The following TAFA4 variants were observed in gnomAD, a reference collection of about 807,000 sequenced individuals.
The protein encoded by TAFA4 is TAFA chemokine like family member 4, also known as chemokine-like protein TAFA-4.
A neutral mutation model predicts 21.1 loss-of-function variants in TAFA4; 20 were observed. That is an observed-to-expected ratio of 0.95 (90% CI 0.67 to 1.38). The LOEUF (loss-of-function observed/expected upper bound fraction) is 1.38. TAFA4 is among the 40% of genes most tolerant of loss of function. The pLI is 0.00. For missense variants in TAFA4, 211 were observed against 180.9 expected (o/e 1.17, Z -0.95); for synonymous variants, 71 against 67.4 (o/e 1.05, Z -0.26).
rs1275626081 is a variant in TAFA4, at chr3:68,885,030, G to GA, written c.14+144dup. 22 of 720,170 alleles carry GA rather than the reference G, an allele frequency of 3.1e-5. No homozygotes were observed. In the East Asian group the frequency reaches 4.1e-4, roughly 13 times the overall value. The allele number at this position is 720,170 out of a possible 1,614,324, so 44.6% of individuals were successfully genotyped here. A position where few individuals can be genotyped will look rare whatever the true frequency, so the allele number is the denominator to read the frequency against. ...TCATTTCACAGATGAAAGCTAAAAT[G>GA]AAAAAATCAACATTTCCCCAAATTC... is the stretch of plus-strand genomic sequence containing the variant. On this transcript the variant is annotated intron_variant, in intron 2 of 5. Coordinates refer to ENST00000295569, the MANE Select transcript of TAFA4 (RefSeq NM_182522.5).
chr3:68,824,409 T>G (rs1278072488), intron 3 of TAFA4, among the ~76,000 whole-genome samples: 3 of 152,090 alleles, frequency 2.0e-5, no homozygotes, highest in Non-Finnish European at 2.9e-5. Context: ...CCCTGTTCCA[T>G]CGTAAAAGTA....
chr3:68,803,335 A>C (rs1046894115), intron 3 of TAFA4, among the ~76,000 whole-genome samples: 3 of 152,188 alleles, frequency 2.0e-5, no homozygotes, highest in Admixed American at 1.3e-4. Context: ...TTGCTCCTTC[A>C]AATGGGAAGA....
At chr3:68,884,590 AC>A (rs2089652465) in intron 2 of TAFA4, among the ~76,000 whole-genome samples, 1 of 152,334 alleles carries the variant, frequency 6.6e-6, no homozygotes, top group East Asian at 1.9e-4. Context: ...TTCCCACTGG[AC>A]AAAAATGGAA....
rs761920358 is a variant in TAFA4, at chr3:68,885,151, A to C, written c.14+24T>G. ...AATACTTTGTAAAGATATCATGTCC[A>C]GGTGAACGTTAAAATAATCTTACCT... is the stretch of plus-strand genomic sequence containing the variant. On this transcript the variant is annotated intron_variant, in intron 2 of 5. Coordinates refer to ENST00000295569, the MANE Select transcript of TAFA4 (RefSeq NM_182522.5). 7 of 1,610,798 alleles carry C rather than the reference A, an allele frequency of 4.3e-6. No homozygotes were observed. In the African/African-American group the frequency reaches 9.4e-5, roughly 22 times the overall value.
chr3:68,842,895 T>C (rs1431473225), intron 3 of TAFA4, among the ~76,000 whole-genome samples: 1 of 152,206 alleles, frequency 6.6e-6, no homozygotes, highest in Non-Finnish European at 1.5e-5. Context: ...TTGGTCTATG[T>C]ATCTGCTTTG....
intron 4 of TAFA4, among the ~76,000 whole-genome samples, chr3:68,740,680 GCTTTTGTTGCCTGTA>G (rs2106731086): frequency 6.6e-6 from 1 of 151,936 alleles, no homozygotes; most frequent in South Asian, 2.1e-4. Flanking sequence ...GTTTATTTTT[GCTTTTGTTGCCTGTA>G]CTTTTGGTGT....
intron 1 of TAFA4, among the ~76,000 whole-genome samples, chr3:68,892,181 C>G (rs1288357514): frequency 6.6e-6 from 1 of 152,126 alleles, no homozygotes; most frequent in Non-Finnish European, 1.5e-5. Flanking sequence ...CATGTTAAAG[C>G]AGACATGTTT....
At chr3:68,909,690 C>G (rs1044904449) in intron 1 of TAFA4, among the ~76,000 whole-genome samples, 1 of 152,232 alleles carries the variant, frequency 6.6e-6, no homozygotes, top group African/African-American at 2.4e-5. Flanking sequence ...CCTCTACTAT[C>G]AGATGGGACT....
intron 3 of TAFA4, among the ~76,000 whole-genome samples, chr3:68,821,303 A>G (rs1704109828): frequency 6.7e-6 from 1 of 149,178 alleles, no homozygotes; most frequent in Admixed American, 6.8e-5. Context: ...GTAGATTTAT[A>G]CACTATGTAG....
intron 3 of TAFA4, among the ~76,000 whole-genome samples, chr3:68,859,775 T>C (rs910632232): frequency 7.9e-5 from 12 of 152,130 alleles, no homozygotes; most frequent in African/African-American, 1.2e-4. Flanking sequence ...AGAATGCTAA[T>C]AAAAGGAGGA....
intron 1 of TAFA4, among the ~76,000 whole-genome samples, chr3:68,925,953 C>T (rs551868204): frequency 1.7e-4 from 26 of 152,282 alleles, no homozygotes; most frequent in African/African-American, 6.0e-4. Context: ...AGGTCTAAGC[C>T]GGGCACAGTG....
intron 3 of TAFA4, among the ~76,000 whole-genome samples, chr3:68,803,689 G>GA (rs537676848): frequency 0.051 from 7,019 of 136,496 alleles, 383 homozygotes; most frequent in African/African-American, 0.14. Context: ...CAGTAAGTGG[G>GA]AAAAAAAAAA....
chr3:68,908,613 T>C (rs1315496088), intron 1 of TAFA4, among the ~76,000 whole-genome samples: 3 of 152,060 alleles, frequency 2.0e-5, no homozygotes, highest in Admixed American at 1.3e-4. Context: ...AGCATGAGTT[T>C]AAAACTATAA....
At chr3:68,860,901 T>A (rs1227098548) in intron 3 of TAFA4, among the ~76,000 whole-genome samples, 1 of 152,036 alleles carries the variant, frequency 6.6e-6, no homozygotes, top group Non-Finnish European at 1.5e-5. Flanking sequence ...AGAGAAATTA[T>A]TTTCTAAAAT....
intron 3 of TAFA4, among the ~76,000 whole-genome samples, chr3:68,808,641 T>C (rs17048006): frequency 0.014 from 2,146 of 152,290 alleles, 44 homozygotes; most frequent in African/African-American, 0.049. Flanking sequence ...ACTCTAGACT[T>C]TCCTTTATGG....
chr3:68,917,910 G>A (rs551886229), intron 1 of TAFA4, among the ~76,000 whole-genome samples: 48 of 152,220 alleles, frequency 3.2e-4, no homozygotes, highest in Non-Finnish European at 5.9e-4. Context: ...AGATGGCAAC[G>A]TGGCTTCTGG....
At chr3:68,763,860 A>G (rs1702801164) in intron 3 of TAFA4, among the ~76,000 whole-genome samples, 1 of 150,408 alleles carries the variant, frequency 6.6e-6, no homozygotes, top group Non-Finnish European at 1.5e-5. Flanking sequence ...TTTAGTATGT[A>G]TGACAGACTA....
At chr3:68,845,716 G>A (rs1704774424) in intron 3 of TAFA4, among the ~76,000 whole-genome samples, 1 of 152,160 alleles carries the variant, frequency 6.6e-6, no homozygotes, top group Admixed American at 6.5e-5. Flanking sequence ...CTGGCCTGGT[G>A]GTGATAAAAT....
intron 3 of TAFA4, among the ~76,000 whole-genome samples, chr3:68,772,832 T>TCATC (rs1244453759): frequency 2.0e-5 from 3 of 152,106 alleles, no homozygotes; most frequent in African/African-American, 7.2e-5. Context: ...TAATCCCCTC[T>TCATC]CATCCATCCA....
Sources: allele counts gnomAD v4.1 joint callset (sites outside exome capture counted in the v4.1 genomes callset), GRCh38; gene constraint gnomAD v4.1.1; transcripts MANE v1.5; gene names NCBI Gene and HGNC (gene_info 2026-07-23, HGNC 2026-07-21).